The following GALNT9 variants were observed in gnomAD, a reference collection of about 807,000 sequenced individuals.
GALNT9 encodes the protein polypeptide N-acetylgalactosaminyltransferase 9, also known as GalNAc transferase 9.
GALNT9 carries 47 observed loss-of-function variants against 63.1 expected under a neutral mutation model. The ratio of observed to expected loss-of-function variants is 0.75; its 90% CI spans 0.59 to 0.95. GALNT9 has a LOEUF of 0.95. Among genes scored for constraint, GALNT9 ranks in the 40% least tolerant of loss-of-function variants. The pLI, the probability that GALNT9 is intolerant of heterozygous loss-of-function variation, is 0.00. For missense variants in GALNT9, 829 were observed against 874.8 expected, an observed-to-expected ratio of 0.95 and a Z score of 0.66; for synonymous variants, 396 against 365.7, an observed-to-expected ratio of 1.08 and a Z score of -0.94.
intron 2 of GALNT9, among the ~76,000 whole-genome samples, chr12:132,267,816 CTCACACATGCAG>C (rs1469058983): frequency 4.7e-5 from 7 of 149,680 alleles, no homozygotes; most frequent in African/African-American, 7.4e-5. Context: ...CACACACGCA[CTCACACATGCAG>C]TCACACACAT....
intron 6 of GALNT9, among the ~76,000 whole-genome samples, chr12:132,244,026 G>A (rs1878592009): frequency 6.6e-6 from 1 of 151,500 alleles, no homozygotes; most frequent in East Asian, 2.0e-4. Context: ...GGGACAGACG[G>A]GGGCAGTGCA....
intron 1 of GALNT9, among the ~76,000 whole-genome samples, chr12:132,326,903 C>A (rs1555246555): frequency 2.6e-5 from 4 of 152,202 alleles, no homozygotes. Flanking sequence ...GACATCAGGC[C>A]TCTACGGCAC....
chr12:132,299,428 C>T (rs1881208238), intron 1 of GALNT9, among the ~76,000 whole-genome samples: 1 of 137,338 alleles, frequency 7.3e-6, no homozygotes, highest in Non-Finnish European at 1.6e-5. Flanking sequence ...AGATAACTCA[C>T]TCCCATAACT....
intron 9 of GALNT9, among the ~76,000 whole-genome samples, chr12:132,198,626 C>T (rs1339779128): frequency 6.6e-6 from 1 of 152,132 alleles, no homozygotes; most frequent in African/African-American, 2.4e-5. Context: ...GGGAGTGATG[C>T]ACCCCCAGCC....
chr12:132,261,168 G>A lies in GALNT9; in HGVS notation c.587-46C>T, dbSNP rs781796850. ...AGCACGCTGGCAGGTGCTGGCAGGC[G>A]CGGGGCCACCAAGACCCAAGGCTGG... On this transcript the variant is annotated intron_variant, in intron 3 of 10. Coordinates refer to ENST00000328957, the MANE Select transcript of GALNT9 (RefSeq NM_001122636.2). 73 of 1,541,146 alleles carry A rather than the reference G, an allele frequency of 4.7e-5. 1 individual carries two copies. The highest frequency in any genetic ancestry group is 1.7e-4 in the Middle Eastern group (1 of 5,958).
intron 1 of GALNT9, among the ~76,000 whole-genome samples, chr12:132,289,623 C>A (rs543466100): frequency 6.6e-6 from 1 of 152,344 alleles, no homozygotes; most frequent in South Asian, 2.1e-4. Context: ...TTAGGGGACA[C>A]CCCAGCCACG....
At chr12:132,229,715 C>A (rs1877823998) in intron 6 of GALNT9, among the ~76,000 whole-genome samples, 11 of 152,264 alleles carry the variant, frequency 7.2e-5, no homozygotes. Flanking sequence ...CCCTGAGTCC[C>A]AGGCGAGAAA....
chr12:132,211,115 G>C (rs182744392), intron 6 of GALNT9, among the ~76,000 whole-genome samples: 1 of 152,160 alleles, frequency 6.6e-6, no homozygotes, highest in Non-Finnish European at 1.5e-5. Context: ...CAAGCTGAAC[G>C]AATTGGGCTG....
chr12:132,300,182 C>A (rs1881239537), intron 1 of GALNT9, among the ~76,000 whole-genome samples: 1 of 149,602 alleles, frequency 6.7e-6, no homozygotes. Flanking sequence ...ACTCCCATAA[C>A]TAACCTGCTC....
intron 6 of GALNT9, among the ~76,000 whole-genome samples, chr12:132,243,921 C>T (rs2136906078): frequency 8.6e-5 from 13 of 152,044 alleles, no homozygotes; most frequent in African/African-American, 1.9e-4. Context: ...GTCCCGTGTC[C>T]GCCACACCCC....
intron 9 of GALNT9, among the ~76,000 whole-genome samples, chr12:132,198,918 T>C (rs1444171318): frequency 1.3e-5 from 2 of 152,282 alleles, no homozygotes; most frequent in East Asian, 3.9e-4. Context: ...CCCATCGTGC[T>C]GAGATGACAG....
intron 6 of GALNT9, among the ~76,000 whole-genome samples, chr12:132,237,543 G>A (rs2136895432): frequency 3.3e-5 from 5 of 151,540 alleles, no homozygotes; most frequent in Admixed American, 6.6e-5. Flanking sequence ...ACCTACCTAC[G>A]CCTACTCACA....
In GALNT9 at chr12:132,328,956, C is replaced by A. The variant is rs1257434588; in HGVS notation, c.238+10G>T. The A allele has an allele frequency of 2.0e-6, 3 of 1,513,740 alleles. No individual in the cohort carries two copies. In the African/African-American group the frequency reaches 4.2e-5, roughly 21 times the overall value. 93.8% of individuals were successfully genotyped at this position (1,513,740 alleles called of 1,614,324 possible). A position where few individuals can be genotyped will look rare whatever the true frequency, so the allele number is the denominator to read the frequency against. On this transcript the variant is annotated intron_variant, in intron 1 of 10. Transcript: ENST00000328957. ...GGCTGCCCCCACTCCGCCCCGGCGC[C>A]CCCGCTCACCGTTGAGCTGGTTGTA...
chr12:132,208,349 C>T (rs1000436951), intron 6 of GALNT9, among the ~76,000 whole-genome samples: 8 of 152,358 alleles, frequency 5.3e-5, no homozygotes, highest in Admixed American at 5.2e-4. Flanking sequence ...CGGAGCCCGG[C>T]TGGCACTCTG....
At chr12:132,291,286 T>G (rs1415186300) in intron 1 of GALNT9, among the ~76,000 whole-genome samples, 13 of 11,480 alleles carry the variant, frequency 1.1e-3, no homozygotes, top group Admixed American at 1.8e-3. Flanking sequence ...CACGTCCACA[T>G]CACCCACGTC....
intron 1 of GALNT9, among the ~76,000 whole-genome samples, chr12:132,300,749 C>G (rs58729987): frequency 0.11 from 16,425 of 148,486 alleles, 1,033 homozygotes; most frequent in Middle Eastern, 0.17. Flanking sequence ...CCAAGCCACT[C>G]CTGAGATAAC....
In GALNT9 at chr12:132,199,252, G is replaced by A; in HGVS notation, c.1419C>T (p.Ala473=). The change falls in exon 9 of 11, where the codon GCC becomes GCT. Residue 473 remains alanine, a synonymous_variant. Coordinates refer to ENST00000328957, the MANE Select transcript of GALNT9 (RefSeq NM_001122636.2). ...LTYGEVRNSK[A]SAYCLDQGAE... The stretch of plus-strand genomic sequence containing the variant: ...CTCCCTGGTCCAGACAGTAGGCACT[G>A]GCTTTGCTGTTTCTCACCTGCAAGC... 6.2e-7 allele frequency: 1 copy of A among 1,604,542 alleles called. No individual in the cohort carries two copies. The highest frequency in any genetic ancestry group is 8.5e-7 in the Non-Finnish European group (1 of 1,179,092).
At chr12:132,216,445 G>A (rs1877198194) in intron 6 of GALNT9, among the ~76,000 whole-genome samples, 1 of 152,252 alleles carries the variant, frequency 6.6e-6, no homozygotes, top group Admixed American at 6.5e-5. Context: ...GCAGGACGGT[G>A]CGTGGCACAG....
intron 6 of GALNT9, among the ~76,000 whole-genome samples, chr12:132,220,160 G>A (rs1877396462): frequency 1.3e-5 from 2 of 152,164 alleles, no homozygotes; most frequent in Admixed American, 1.3e-4. Flanking sequence ...TCAGGAGGCT[G>A]AGGTGGGAGG....
Sources: allele counts gnomAD v4.1 joint callset (sites outside exome capture counted in the v4.1 genomes callset), GRCh38; gene constraint gnomAD v4.1.1; transcripts MANE v1.5; gene names NCBI Gene and HGNC (gene_info 2026-07-23, HGNC 2026-07-21).